Variants in NR3C2 observed in about 807,000 individuals in gnomAD.
NR3C2 encodes nuclear receptor subfamily 3 group C member 2.
In NR3C2, 15 loss-of-function variants were observed where a neutral mutation model predicts 86.4. The observed-to-expected ratio is 0.17, with a 90% CI of 0.12 to 0.27. The LOEUF (loss-of-function observed/expected upper bound fraction) is 0.27, where lower values mean the gene tolerates loss of function less well. NR3C2 is among the 10% of genes least tolerant of loss of function. NR3C2 has a pLI of 1.00. For missense variants in NR3C2, 960 were observed against 1,195.6 expected, an observed-to-expected ratio of 0.80 and a Z score of 2.91; for synonymous variants, 458 against 450.5, an observed-to-expected ratio of 1.02 and a Z score of -0.21.
At chr4:148,372,474 C>T (rs2126391523) in intron 2 of NR3C2, among the ~76,000 whole-genome samples, 1 of 151,858 alleles carries the variant, frequency 6.6e-6, no homozygotes, top group Non-Finnish European at 1.5e-5. Flanking sequence ...CAGATGAGGT[C>T]ACAAACCAAA....
intron 4 of NR3C2, among the ~76,000 whole-genome samples, chr4:148,169,020 T>C (rs1333016647): frequency 6.6e-6 from 1 of 152,196 alleles, no homozygotes; most frequent in East Asian, 1.9e-4. Context: ...GCCCTGTGAA[T>C]TGAAATCAAT....
chr4:148,280,887 T>C (rs1297340946), intron 2 of NR3C2, among the ~76,000 whole-genome samples: 2 of 152,224 alleles, frequency 1.3e-5, no homozygotes, highest in Admixed American at 1.3e-4. Context: ...CAGTCACAGA[T>C]TAATGTGTGT....
Position 148,436,579 on chromosome 4 carries a change from A to C in NR3C2, c.282T>G (p.Ser94=). The change falls in exon 2 of 9, where the codon TCT becomes TCG. Residue 94 remains serine (S), a synonymous_variant. Transcript: ENST00000358102. ...LTSDIKTELE[S]KELSATVAES... is the part of the protein sequence containing the mutation. ...CAGCTACAGTTGCTGAAAGTTCCTT[A>C]GATTCCAGCTCAGTTTTAATATCAG... 6.2e-7 allele frequency: 1 copy of C among 1,614,220 alleles called. No homozygotes were observed. Among genetic ancestry groups the C allele is most frequent in the Non-Finnish European group, 8.5e-7 (1 of 1,180,044 alleles).
intron 6 of NR3C2, among the ~76,000 whole-genome samples, chr4:148,148,844 G>A (rs1001902148): frequency 1.3e-5 from 2 of 152,128 alleles, no homozygotes; most frequent in African/African-American, 4.8e-5. Flanking sequence ...ATGAGAGAGG[G>A]ATTTTTTTTC....
intron 8 of NR3C2, among the ~76,000 whole-genome samples, chr4:148,093,587 T>C (rs933383023): frequency 6.6e-6 from 1 of 152,222 alleles, no homozygotes; most frequent in African/African-American, 2.4e-5. Flanking sequence ...AAGATCAAAA[T>C]TTTAGTCAGC....
chr4:148,147,009 G>A (rs188220320), intron 6 of NR3C2, among the ~76,000 whole-genome samples: 1 of 152,220 alleles, frequency 6.6e-6, no homozygotes, highest in East Asian at 1.9e-4. Flanking sequence ...TAAGAAATTT[G>A]AATACTTGCA....
chr4:148,291,198 C>T (rs560439390), intron 2 of NR3C2, among the ~76,000 whole-genome samples: 71 of 152,110 alleles, frequency 4.7e-4, no homozygotes, highest in African/African-American at 1.6e-3. Context: ...TTTCATTTCC[C>T]TCCTCCTAAT....
At chr4:148,182,625 C>T (rs771421076) in intron 4 of NR3C2, among the ~76,000 whole-genome samples, 9 of 152,136 alleles carry the variant, frequency 5.9e-5, no homozygotes, top group Non-Finnish European at 1.2e-4. Flanking sequence ...TATCACATAC[C>T]GTGCCAAACC....
intron 4 of NR3C2, among the ~76,000 whole-genome samples, chr4:148,188,672 C>T (rs1736051684): frequency 6.6e-6 from 1 of 152,080 alleles, no homozygotes; most frequent in Non-Finnish European, 1.5e-5. Context: ...ATCATATCAT[C>T]AGCAAACAGT....
At chr4:148,158,352 T>G (rs577891055) in intron 4 of NR3C2, among the ~76,000 whole-genome samples, 1 of 152,250 alleles carries the variant, frequency 6.6e-6, no homozygotes, top group Non-Finnish European at 1.5e-5. Flanking sequence ...ATTTGTCTTT[T>G]GGGCAATTAG....
intron 7 of NR3C2, among the ~76,000 whole-genome samples, chr4:148,115,914 T>G (rs1732254440): frequency 6.6e-6 from 1 of 152,018 alleles, no homozygotes; most frequent in Admixed American, 6.5e-5. Context: ...AAACTTTATT[T>G]TAAAAGTAAA....
intron 3 of NR3C2, among the ~76,000 whole-genome samples, chr4:148,233,335 G>A (rs1175502188): frequency 6.9e-6 from 1 of 145,210 alleles, no homozygotes; most frequent in South Asian, 2.2e-4. Flanking sequence ...AGAGGCCATT[G>A]TTGGATTATT....
intron 2 of NR3C2, among the ~76,000 whole-genome samples, chr4:148,409,132 T>C (rs1748564957): frequency 6.6e-6 from 1 of 152,180 alleles, no homozygotes; most frequent in South Asian, 2.1e-4. Flanking sequence ...ACAAGGCTCC[T>C]AGCATATTGC....
intron 2 of NR3C2, among the ~76,000 whole-genome samples, chr4:148,302,174 A>G (rs1378229030): frequency 3.3e-5 from 5 of 152,216 alleles, no homozygotes; most frequent in African/African-American, 1.2e-4. Context: ...CATGTTTCTG[A>G]TAACTTGGGA....
intron 2 of NR3C2, among the ~76,000 whole-genome samples, chr4:148,400,467 T>C (rs540663168): frequency 3.9e-5 from 6 of 152,084 alleles, no homozygotes; most frequent in Non-Finnish European, 8.8e-5. Flanking sequence ...TACATATATA[T>C]ATAGAGAGTT....
Position 148,080,740 on chromosome 4 carries a change from A to G in NR3C2, c.*604T>C, listed in dbSNP as rs1730507193. The stretch of plus-strand genomic sequence containing the variant: ...ACATCATCTTATCCATTCTAATTAA[A>G]TAAGAAATGGACGCTAACGAGTGTG... On this transcript the variant is annotated 3_prime_UTR_variant, in exon 9 of 9. Coordinates refer to ENST00000358102, the MANE Select transcript of NR3C2 (RefSeq NM_000901.5). The G allele has an allele frequency of 2.9e-6, 1 of 341,924 alleles. No individual in the cohort carries two copies. The highest frequency in any genetic ancestry group is 2.1e-5 in the African/African-American group (1 of 46,824). 21.2% of individuals were successfully genotyped at this position (341,924 alleles called of 1,614,324 possible). A position where few individuals can be genotyped will look rare whatever the true frequency, so the allele number is the denominator to read the frequency against.
chr4:148,199,080 C>CAA (rs60075012), intron 3 of NR3C2, among the ~76,000 whole-genome samples: 1,857 of 37,136 alleles, frequency 0.05, 60 homozygotes, highest in African/African-American at 0.072. Flanking sequence ...GACTCCATCT[C>CAA]AAAAAAAAAA....
intron 3 of NR3C2, among the ~76,000 whole-genome samples, chr4:148,224,285 T>C (rs1321421830): frequency 2.0e-5 from 3 of 152,142 alleles, no homozygotes; most frequent in Non-Finnish European, 2.9e-5. Context: ...ATTTTAAAGA[T>C]TTTATAAAAG....
chr4:148,360,416 G>A (rs760160971), intron 2 of NR3C2, among the ~76,000 whole-genome samples: 2 of 152,168 alleles, frequency 1.3e-5, no homozygotes, highest in Non-Finnish European at 2.9e-5. Flanking sequence ...ACTGCCTTCA[G>A]TGTGCTCATT....
Sources: gnomAD v4.1 joint callset for allele counts (sites outside exome capture counted in the v4.1 genomes callset) on GRCh38, gnomAD v4.1.1 for gene constraint, MANE v1.5 for transcripts, NCBI Gene and HGNC (gene_info 2026-07-23, HGNC 2026-07-21) for gene names.